The following MAP3K4 variants were observed in gnomAD, a reference collection of about 807,000 sequenced individuals.
MAP3K4 encodes the protein MAP three kinase 1.
In MAP3K4, 67 loss-of-function variants were observed where a neutral mutation model predicts 185.6. That is an observed-to-expected ratio of 0.36 (90% CI 0.30 to 0.44). MAP3K4 has a LOEUF of 0.44. Ranked by LOEUF, MAP3K4 falls within the 20% of genes least tolerant of loss-of-function variation. The pLI is 1.00. For synonymous variants in MAP3K4, 702 were observed against 710.4 expected, an observed-to-expected ratio of 0.99 and a Z score of 0.19; for missense variants, 1,551 against 1,995.1, an observed-to-expected ratio of 0.78 and a Z score of 4.24.
At chr6:161,036,378 TTA>T (rs1320332418) in intron 2 of MAP3K4, among the ~76,000 whole-genome samples, 1 of 152,086 alleles carries the variant, frequency 6.6e-6, no homozygotes, top group East Asian at 1.9e-4. Flanking sequence ...TTGCAAAAGA[TTA>T]TGTGTTTGTT....
In MAP3K4 at chr6:161,089,328, A is replaced by G; in HGVS notation, c.2830A>G (p.Asn944Asp). 6.2e-7 allele frequency: 1 copy of G among 1,612,170 alleles called. No individual in the cohort carries two copies. The highest frequency in any genetic ancestry group is 8.5e-7 in the Non-Finnish European group (1 of 1,179,396). The change falls in exon 11 of 27, where the codon AAT becomes GAT. Residue 944 changes from asparagine (N) to aspartate (D), a missense_variant. Around this residue, in one of 16 missense-constraint regions of MAP3K4, gnomAD observed 261 missense variants for 306.5 expected, o/e 0.85. Coordinates refer to ENST00000392142, the MANE Select transcript of MAP3K4 (RefSeq NM_005922.4). ...TGCTTGATTTTCCTCCCAGGTGGAT[A>G]ATCTTTTACTAGTTGTCATGCAGTC... ...VDTLRSMQVDNLLLVVMQSAH... is the reference protein window; with the variant it reads ...VDTLRSMQVDDLLLVVMQSAH...
Position 161,107,655 on chromosome 6 carries a change from A to G in MAP3K4, c.4049-244A>G, listed in dbSNP as rs1778145890. 3.3e-5 allele frequency among the ~76,000 whole-genome samples: 5 copies of G among 152,208 alleles called. No individual in the cohort carries two copies. In the South Asian group the frequency reaches 1.0e-3, roughly 32 times the overall value. On this transcript the variant is annotated intron_variant, in intron 20 of 26. Transcript: ENST00000392142. This position sits in a 1 kb window ranked among gnomAD's most constrained non-coding sequence, Gnocchi z 6.2. ...TTCATGCTTCTCCTGGAATTTACCA[A>G]AGTCGGTTCTGCTCTATTTAAAGAT...
In MAP3K4 at chr6:160,992,240, C is replaced by T. The variant is rs564078817; in HGVS notation, c.152+157C>T. The T allele has an allele frequency of 5.1e-5, 52 of 1,022,686 alleles. No homozygotes were observed. In the East Asian group the frequency reaches 9.0e-4, roughly 18 times the overall value. 63.4% of individuals were successfully genotyped at this position (1,022,686 alleles called of 1,614,324 possible). A position where few individuals can be genotyped will look rare whatever the true frequency, so the allele number is the denominator to read the frequency against. ...GGAGGGGCGCGGTGCATCCCTGGGT[C>T]CCAGGGGACCGCGTCTGAGTCTGTC... On this transcript the variant is annotated intron_variant, in intron 1 of 26. Coordinates refer to ENST00000392142, the MANE Select transcript of MAP3K4 (RefSeq NM_005922.4).
At chr6:161,005,284 A>G (rs1207166327) in intron 1 of MAP3K4, among the ~76,000 whole-genome samples, 1 of 151,762 alleles carries the variant, frequency 6.6e-6, no homozygotes. Context: ...AACTATAGGC[A>G]CATGCCACCA....
Position 161,103,237 on chromosome 6 carries a change from G to A in MAP3K4, c.3856+458G>A, listed in dbSNP as rs1325666243. Among the ~76,000 whole-genome samples the A allele has an allele frequency of 6.6e-6, 1 of 152,188 alleles. No individual in the cohort carries two copies. Among genetic ancestry groups the A allele is most frequent in the East Asian group, 1.9e-4 (1 of 5,198 alleles). Reference sequence around the variant, plus strand: ...TTTTTTTGCTCAACAATATTGAGCAGTAGGCAAAATAGATGTTCTCTTTTT... The same window carrying A: ...TTTTTTTGCTCAACAATATTGAGCAATAGGCAAAATAGATGTTCTCTTTTT... On this transcript the variant is annotated intron_variant, in intron 19 of 26. Transcript: ENST00000392142. This position sits in a 1 kb window ranked among gnomAD's most constrained non-coding sequence, Gnocchi z 4.6.
Position 161,054,425 on chromosome 6 carries a change from G to C in MAP3K4, c.1707+4446G>C, listed in dbSNP as rs1784145462. 6.6e-6 allele frequency among the ~76,000 whole-genome samples: 1 copy of C among 152,148 alleles called. No homozygotes were observed. The highest frequency in any genetic ancestry group is 1.5e-5 in the Non-Finnish European group (1 of 68,022). On this transcript the variant is annotated intron_variant, in intron 3 of 26. Transcript: ENST00000392142. This position sits in a 1 kb window ranked among gnomAD's most constrained non-coding sequence, Gnocchi z 4.2. ...CCGCCTTGGCCTCCCAAAGTGCTGG[G>C]ATGATAGGTGTGAGCCACCGCGCCC...
At position 161,114,052 on chromosome 6, in the gene MAP3K4, C is replaced by T. The variant is rs1778487340; in HGVS notation, c.4627-1071C>T. On this transcript the variant is annotated intron_variant, in intron 25 of 26. Transcript: ENST00000392142. The surrounding 1 kb of genome is among the most constrained non-coding windows in gnomAD (Gnocchi z 4.3). ...CCTCATGATCCGCCTGCCTCAGCCT[C>T]CCGAAGTGCTGAGTGACATTTTTAA... 6.6e-6 allele frequency among the ~76,000 whole-genome samples: 1 copy of T among 151,938 alleles called. No homozygotes were observed. Among genetic ancestry groups the T allele is most frequent in the South Asian group, 2.1e-4 (1 of 4,800 alleles).
rs747939852 is a variant in MAP3K4, at chr6:161,075,339, G to A, written c.2097+1727G>A. Among the ~76,000 whole-genome samples the A allele has an allele frequency of 8.6e-5, 13 of 151,860 alleles. 1 individual carries two copies. Among genetic ancestry groups the A allele is most frequent in the Non-Finnish European group, 1.5e-4 (10 of 67,962 alleles). On this transcript the variant is annotated intron_variant, in intron 5 of 26. Coordinates refer to ENST00000392142, the MANE Select transcript of MAP3K4 (RefSeq NM_005922.4). The surrounding 1 kb of genome is among the most constrained non-coding windows in gnomAD (Gnocchi z 4.3). ...CTGGCTAATTTTTAAAAATTTTTTTGTAGAGTCAGGGTCTCACTATGTTGC... is the reference window on the plus strand; with the variant it reads ...CTGGCTAATTTTTAAAAATTTTTTTATAGAGTCAGGGTCTCACTATGTTGC...
rs1208800273 is a variant in MAP3K4, at chr6:161,076,354, C to T, written c.2097+2742C>T. The stretch of plus-strand genomic sequence containing the variant: ...TGTCAGGAAGACTGCCGAATGGGAG[C>T]TCTCTTAGCAGGGGGAGGGGAAGCA... On this transcript the variant is annotated intron_variant, in intron 5 of 26. Coordinates refer to ENST00000392142, the MANE Select transcript of MAP3K4 (RefSeq NM_005922.4). The surrounding 1 kb of genome is among the most constrained non-coding windows in gnomAD (Gnocchi z 4.2). 1.3e-5 allele frequency among the ~76,000 whole-genome samples: 2 copies of T among 152,174 alleles called. No homozygotes were observed. Among genetic ancestry groups the T allele is most frequent in the Admixed American group, 6.5e-5 (1 of 15,276 alleles).
At chr6:161,031,564 A>C (rs1166965991) in intron 1 of MAP3K4, among the ~76,000 whole-genome samples, 1 of 152,066 alleles carries the variant, frequency 6.6e-6, no homozygotes, top group Non-Finnish European at 1.5e-5. Flanking sequence ...GGGGGGCTTG[A>C]TATTTGGATC....
At chr6:161,023,120 A>G (rs6925502) in intron 1 of MAP3K4, among the ~76,000 whole-genome samples, 138,158 of 152,256 alleles carry the variant, frequency 0.91, 62,861 homozygotes, top group East Asian at 0.99. Flanking sequence ...CTAGTACAGA[A>G]TTTTTCAATC....
At position 161,067,515 on chromosome 6, in the gene MAP3K4, T is replaced by C. The variant is rs1784763215; in HGVS notation, c.1708-3093T>C. Among the ~76,000 whole-genome samples the C allele has an allele frequency of 6.6e-6, 1 of 152,202 alleles. No homozygotes were observed. Among genetic ancestry groups the C allele is most frequent in the South Asian group, 2.1e-4 (1 of 4,830 alleles). On this transcript the variant is annotated intron_variant, in intron 3 of 26. Transcript: ENST00000392142. The surrounding 1 kb of genome is among the most constrained non-coding windows in gnomAD (Gnocchi z 6.3). The stretch of plus-strand genomic sequence containing the variant: ...TACAAGTAATTATTTTAGTGGTTAT[T>C]TTAGAAATTCTTGCCTGTTAGGGAA...
chr6:161,050,290 C>T (rs974800327), intron 3 of MAP3K4, among the ~76,000 whole-genome samples: 6 of 152,110 alleles, frequency 3.9e-5, no homozygotes, highest in Non-Finnish European at 7.4e-5. Flanking sequence ...CATGGATGAC[C>T]ACAAGCTGCA....
intron 1 of MAP3K4, among the ~76,000 whole-genome samples, chr6:161,025,575 A>G (rs1782606052): frequency 1.3e-5 from 2 of 152,252 alleles, no homozygotes; most frequent in South Asian, 2.1e-4. Context: ...AAGAAAAAGT[A>G]ACTTCAGCTA....
intron 3 of MAP3K4, 104 bp downstream of exon 3, chr6:161,050,083 A>G (rs1485811016): frequency 8.5e-7 from 1 of 1,174,392 alleles, no homozygotes. Context: ...ATATTTTTGA[A>G]CACAAATGGC....
intron 2 of MAP3K4, among the ~76,000 whole-genome samples, chr6:161,044,566 A>G (rs531014945): frequency 5.8e-4 from 88 of 152,330 alleles, no homozygotes; most frequent in African/African-American, 1.9e-3. Flanking sequence ...CCCTTAAGTC[A>G]TAAGTCCCTT....
At chr6:160,992,224 C>G in intron 1 of MAP3K4, 141 bp downstream of exon 1, 1 of 1,189,290 alleles carries the variant, frequency 8.4e-7, no homozygotes, top group Admixed American at 3.5e-5. Flanking sequence ...GGGAGGGGCG[C>G]GGTGCATCCC....
chr6:161,059,260 T>C (rs9458108), intron 3 of MAP3K4, among the ~76,000 whole-genome samples: 5,599 of 152,118 alleles, frequency 0.037, 247 homozygotes, highest in African/African-American at 0.1. Flanking sequence ...CTCAGCCTCC[T>C]GAGTAGCTGG....
chr6:161,111,235 C>T (rs1380252651), intron 23 of MAP3K4, among the ~76,000 whole-genome samples: 1 of 152,180 alleles, frequency 6.6e-6, no homozygotes, highest in African/African-American at 2.4e-5. Context: ...AGATGTGTGA[C>T]TTAGTTGGAG....
Sources: gnomAD v4.1 joint callset for allele counts (sites outside exome capture counted in the v4.1 genomes callset) on GRCh38, gnomAD v4.1.1 for gene constraint, gnomAD v4.1.1 regional missense constraint, Gnocchi (gnomAD v3.1) non-coding constraint, MANE v1.5 for transcripts, NCBI Gene and HGNC (gene_info 2026-07-23, HGNC 2026-07-21) for gene names.